NLRC4: variants seen among roughly 807,000 people sequenced by gnomAD.
NLRC4 encodes NLR family CARD domain-containing protein 4.
Under a neutral mutation model 79.9 loss-of-function variants are expected in NLRC4, and 63 were observed. The observed-to-expected ratio is 0.79, with a 90% CI of 0.64 to 0.97. The LOEUF is 0.97. Ranked by LOEUF, NLRC4 falls within the 50% of genes least tolerant of loss-of-function variation. The pLI is 0.00. For missense variants in NLRC4, 1,074 were observed against 1,215.2 expected (o/e 0.88, Z 1.73); for synonymous variants, 461 against 456.5 (o/e 1.01, Z -0.12).
intron 4 of NLRC4, among the ~76,000 whole-genome samples, chr2:32,245,333 A>AAAC (rs1553345676): frequency 5.6e-5 from 8 of 142,076 alleles, no homozygotes; most frequent in Non-Finnish European, 6.1e-5. Context: ...AAAAAAAAAA[A>AAAC]CAGATGAATA....
intron 8 of NLRC4, among the ~76,000 whole-genome samples, chr2:32,230,064 GCA>G (rs1466720499): frequency 3.3e-5 from 5 of 152,070 alleles, no homozygotes; most frequent in Admixed American, 3.3e-4. Context: ...GTAACAAGAG[GCA>G]CAGTCAATAA....
rs749095005 is a variant in NLRC4, at chr2:32,235,366, A to G, written c.2782+35T>C. ...AACTTAAGAATTTTTTAAGGGCCAA[A>G]TCCAGTTATCTTGGCTCTGTATGTG... On this transcript the variant is annotated intron_variant, in intron 8 of 8. Transcript: ENST00000402280. 6 of 1,546,876 alleles carry G rather than the reference A, an allele frequency of 3.9e-6. No individual in the cohort carries two copies. In the South Asian group the frequency reaches 6.8e-5, roughly 18 times the overall value.
chr2:32,254,613 G>GTTTT lies in NLRC4; in HGVS notation c.2-1938_2-1935dup, dbSNP rs61379576. ...TTCTTCCTGGGCTAGGCTGCTCCTG[G>GTTTT]TTTTTTTTTTTTTTTTTTTTTTCAG... On this transcript the variant is annotated intron_variant, in intron 2 of 8. Coordinates refer to ENST00000402280, the MANE Select transcript of NLRC4 (RefSeq NM_001199138.2). Among the ~76,000 whole-genome samples the GTTTT allele has an allele frequency of 8.6e-3, 823 of 95,226 alleles. 19 individuals carry two copies. The highest frequency in any genetic ancestry group is 0.039 in the South Asian group (112 of 2,894). 62.5% of individuals were successfully genotyped at this position (95,226 alleles called of 152,430 possible). A position where few individuals can be genotyped will look rare whatever the true frequency, so the allele number is the denominator to read the frequency against.
At chr2:32,248,548 G>C (rs1430307201) in intron 4 of NLRC4, among the ~76,000 whole-genome samples, 5 of 152,212 alleles carry the variant, frequency 3.3e-5, no homozygotes, top group Admixed American at 2.0e-4. Context: ...GGCTGGGCGT[G>C]GTGGCTCACG....
At chr2:32,252,317 T>C (rs1687095876) in intron 3 of NLRC4, 102 bp downstream of exon 3, 2 of 836,710 alleles carry the variant, frequency 2.4e-6, no homozygotes, top group Admixed American at 2.2e-5. Context: ...TGCCAGGTGA[T>C]ATGAAGAGAA....
chr2:32,259,773 C>T (rs1462646380), intron 1 of NLRC4, among the ~76,000 whole-genome samples: 4 of 152,118 alleles, frequency 2.6e-5, no homozygotes, highest in Admixed American at 1.3e-4. Context: ...TTTTTTTAAA[C>T]CGTAAATTAG....
At chr2:32,265,187 TTTC>T (rs1558466091), upstream of NLRC4, among the ~76,000 whole-genome samples, 1 of 152,198 alleles carries the variant, frequency 6.6e-6, no homozygotes, top group Non-Finnish European at 1.5e-5. Context: ...TTCTTTCTTT[TTTC>T]TTTTTTTTGA....
intron 3 of NLRC4, 126 bp downstream of exon 3, chr2:32,252,293 G>T: frequency 1.4e-6 from 1 of 707,778 alleles, no homozygotes; most frequent in Non-Finnish European, 2.4e-6. Flanking sequence ...TCCTTAGCAG[G>T]TATCAAAGGC....
chr2:32,224,814 A>AAAG (rs1354797001), intron 8 of NLRC4, 49 bp from the exon 9 acceptor site: 2 of 1,107,908 alleles, frequency 1.8e-6, no homozygotes, highest in African/African-American at 3.2e-5. Context: ...TTTTTTTAAA[A>AAAG]AAAAAGAGAA....
intron 4 of NLRC4, among the ~76,000 whole-genome samples, chr2:32,245,237 G>A (rs1686904856): frequency 6.8e-6 from 1 of 147,068 alleles, no homozygotes; most frequent in Admixed American, 6.9e-5. Flanking sequence ...CTTGAACCTG[G>A]GAGGCAGAGG....
chr2:32,250,774 G>A lies in NLRC4; in HGVS notation c.1090C>T (p.His364Tyr), dbSNP rs1193792961. ...TGTATCAACAGATCATAGAAGGTAT[G>A]GAACAGCGTTGTTTGTGTGTGAGAG... The part of the protein sequence containing the change: ...FHSHTQTTLF[H>Y]TFYDLLIQKN... The change falls in exon 4 of 9, where the codon CAT becomes TAT. Residue 364 changes from histidine to tyrosine, a missense_variant. Transcript: ENST00000402280. This position sits in a 1 kb window ranked among gnomAD's most constrained non-coding sequence, Gnocchi z 4.9. 6 of 1,614,058 alleles carry A rather than the reference G, an allele frequency of 3.7e-6. No individual in the cohort carries two copies. The African/African-American group carries it at 8.0e-5, about 22-fold the overall frequency.
chr2:32,243,399 G>A (rs1686851677), intron 4 of NLRC4, among the ~76,000 whole-genome samples: 1 of 151,804 alleles, frequency 6.6e-6, no homozygotes, highest in African/African-American at 2.4e-5. Flanking sequence ...GACAGAGTGA[G>A]ACCCCATCTC....
At position 32,250,390 on chromosome 2, in the gene NLRC4, G is replaced by A. The variant is rs1317272776; in HGVS notation, c.1474C>T (p.Arg492Trp). 3.7e-6 allele frequency: 6 copies of A among 1,614,116 alleles called. No homozygotes were observed. The highest frequency in any genetic ancestry group is 1.7e-5 in the Admixed American group (1 of 60,010). The change falls in exon 4 of 9, where the codon CGG becomes TGG. Residue 492 changes from arginine to tryptophan, a missense_variant. Transcript: ENST00000402280. This position sits in a 1 kb window ranked among gnomAD's most constrained non-coding sequence, Gnocchi z 4.9. The stretch of plus-strand genomic sequence containing the variant: ...TCCACAGATGACCCACAGGTGTACC[G>A]GAGCAGGCTGCTATAAGTGGATGTA... ...DITSTYSSLL[R>W]YTCGSSVEAT...
chr2:32,224,643 A>G lies in NLRC4; in HGVS notation c.2905T>C (p.Phe969Leu), dbSNP rs768981071. ...GVFENLKQLV[F>L]FDFSTKEFLP... Reference sequence around the variant, plus strand: ...AATTCTTTAGTACTAAAGTCAAAAAACACTAATTGCTTAAGATTCTCAAAT... The same window carrying G: ...AATTCTTTAGTACTAAAGTCAAAAAGCACTAATTGCTTAAGATTCTCAAAT... Residue 969 changes from phenylalanine (F) to leucine (L), a missense_variant, in exon 9 of 9, where the codon TTT (phenylalanine) becomes CTT (leucine). Transcript: ENST00000402280. 16 of 1,613,722 alleles carry G rather than the reference A, an allele frequency of 9.9e-6. No homozygotes were observed. The highest frequency in any genetic ancestry group is 1.3e-5 in the Non-Finnish European group (15 of 1,179,702).
In NLRC4 at chr2:32,241,176, T is replaced by G. The variant is rs749909779; in HGVS notation, c.2258-51A>C. 3.7e-6 allele frequency: 4 copies of G among 1,093,324 alleles called. No individual in the cohort carries two copies. In the South Asian group the frequency reaches 5.3e-5, roughly 14 times the overall value. 67.7% of individuals were successfully genotyped at this position (1,093,324 alleles called of 1,614,324 possible). ...CTTTCAGCAGATATTTGCTATTTAC[T>G]ATGTCATTTACTATTACTGTCATTT... On this transcript the variant is annotated intron_variant, in intron 4 of 8. Coordinates refer to ENST00000402280, the MANE Select transcript of NLRC4 (RefSeq NM_001199138.2).
At chr2:32,229,872 A>G (rs1002449359) in intron 8 of NLRC4, among the ~76,000 whole-genome samples, 3 of 152,192 alleles carry the variant, frequency 2.0e-5, no homozygotes, top group African/African-American at 7.2e-5. Context: ...CAATGAGTAG[A>G]AAGTAGCAGA....
chr2:32,259,714 C>T (rs1687292928), intron 1 of NLRC4, among the ~76,000 whole-genome samples: 1 of 152,088 alleles, frequency 6.6e-6, no homozygotes, highest in Admixed American at 6.6e-5. Context: ...TGCCCCTTCC[C>T]AGTCAAATTC....
rs760231283 is a variant in NLRC4, at chr2:32,235,496, A to T, written c.2687T>A (p.Leu896Gln). 22 of 1,613,946 alleles carry T rather than the reference A, an allele frequency of 1.4e-5. No individual in the cohort carries two copies. The highest frequency in any genetic ancestry group is 1.5e-5 in the Non-Finnish European group (18 of 1,179,894). Residue 896 changes from leucine (L) to glutamine (Q), a missense_variant, in exon 8 of 9, where the codon CTG becomes CAG. Leu to Gln is a moderately radical substitution (Grantham distance 113). Transcript: ENST00000402280. ...LPWGCDVQGSLSSLLKHLEEV... is the reference protein window; with the variant it reads ...LPWGCDVQGSQSSLLKHLEEV... ...CTCCAAATGTTTCAACAGGCTGCTCAGGCTGCCTTGCACGTCACAGCCCCA... is the reference window on the plus strand; with the variant it reads ...CTCCAAATGTTTCAACAGGCTGCTCTGGCTGCCTTGCACGTCACAGCCCCA...
At chr2:32,229,035 G>C (rs1649629954) in intron 8 of NLRC4, among the ~76,000 whole-genome samples, 1 of 151,964 alleles carries the variant, frequency 6.6e-6, no homozygotes, top group African/African-American at 2.4e-5. Context: ...CGAAGTGCTG[G>C]GATTACAGGC....
Sources: allele counts gnomAD v4.1 joint callset (sites outside exome capture counted in the v4.1 genomes callset), GRCh38; gene constraint gnomAD v4.1.1; non-coding constraint Gnocchi (gnomAD v3.1); transcripts MANE v1.5; gene names NCBI Gene and HGNC (gene_info 2026-07-23, HGNC 2026-07-21).